The following MYH1 variants were observed in gnomAD, a reference collection of about 807,000 sequenced individuals.
MYH1 encodes the protein myosin heavy chain 1.
In MYH1, 214 loss-of-function variants were observed where a neutral mutation model predicts 225.6. The ratio of observed to expected loss-of-function variants is 0.95; its 90% CI spans 0.85 to 1.06. The LOEUF (loss-of-function observed/expected upper bound fraction) is 1.06. Ranked by LOEUF, MYH1 falls within the 50% of genes least tolerant of loss-of-function variation. MYH1 has a pLI of 0.00. For missense variants in MYH1, 2,098 were observed against 2,344.2 expected (o/e 0.89, Z 2.17); for synonymous variants, 774 against 842.3 (o/e 0.92, Z 1.40).
At chr17:10,510,360 T>C (rs1253265485) in intron 14 of MYH1, among the ~76,000 whole-genome samples, 1 of 152,146 alleles carries the variant, frequency 6.6e-6, no homozygotes, top group Non-Finnish European at 1.5e-5. Flanking sequence ...CTTGTATAAG[T>C]TACTGCATTT....
intron 14 of MYH1, among the ~76,000 whole-genome samples, 180 bp from the exon 15 acceptor site, chr17:10,509,835 C>G (rs906145990): frequency 5.9e-5 from 9 of 152,104 alleles, no homozygotes; most frequent in South Asian, 4.1e-4. Context: ...CTCTTCAACA[C>G]CTGTCAACAA....
In MYH1 at chr17:10,492,512, C is replaced by T; in HGVS notation, c.5724G>A (p.Glu1908=). The change falls in exon 40 of 40, where the codon GAG becomes GAA. Residue 1908 remains glutamate, a synonymous_variant. Transcript: ENST00000226207. ...SKFRRIQHEL[E]EAEERADIAE... is the part of the protein sequence containing the mutation. ...CAATGTCAGCCCGTTCCTCGGCCTC[C>T]TCCAGCTCGTGCTGGATCCTGCGGA... The T allele has an allele frequency of 3.7e-6, 6 of 1,614,168 alleles. No homozygotes were observed. The highest frequency in any genetic ancestry group is 5.1e-6 in the Non-Finnish European group (6 of 1,180,008).
chr17:10,497,662 T>C, intron 31 of MYH1, 72 bp downstream of exon 31: 1 of 1,586,868 alleles, frequency 6.3e-7, no homozygotes, highest in Non-Finnish European at 8.6e-7. Context: ...ATGGTTTGAA[T>C]TGGGCACACT....
At position 10,492,590 on chromosome 17, in the gene MYH1, T is replaced by A. The variant is rs780680292; in HGVS notation, c.5668-22A>T. 4 of 1,594,718 alleles carry A rather than the reference T, an allele frequency of 2.5e-6. No homozygotes were observed. The Admixed American group carries it at 7.2e-5, about 29-fold the overall frequency. ...CCTCCTGTGAATGGAAATCCATTTA[T>A]GAGGGAAGAAAGTTCAGAATTTTTC... On this transcript the variant is annotated intron_variant, in intron 39 of 39. Transcript: ENST00000226207.
At position 10,500,503 on chromosome 17, in the gene MYH1, T is replaced by C. The variant is rs566360884; in HGVS notation, c.3865+123A>G. On this transcript the variant is annotated intron_variant, in intron 28 of 39. Coordinates refer to ENST00000226207, the MANE Select transcript of MYH1 (RefSeq NM_005963.4). ...ATGCCAGTGGTCAATAATGTGTTCATATTAGTGGGGATCTCCCAGGGAGGT... is the reference window on the plus strand; with the variant it reads ...ATGCCAGTGGTCAATAATGTGTTCACATTAGTGGGGATCTCCCAGGGAGGT... 65 of 1,423,308 alleles carry C rather than the reference T, an allele frequency of 4.6e-5. 1 individual carries two copies. The Middle Eastern group carries it at 7.7e-4, about 17-fold the overall frequency. 88.2% of individuals were successfully genotyped at this position (1,423,308 alleles called of 1,614,324 possible).
chr17:10,502,812 C>G lies in MYH1; in HGVS notation c.3037G>C (p.Asp1013His). ...LQEAHQQTLDDLQAEEDKVNT... is the reference protein window; with the variant it reads ...LQEAHQQTLDHLQAEEDKVNT... ...ACTTTGTCCTCCTCTGCCTGCAGGTCATCCAGGGTCTGCTGGTGGGCCTCC... is the reference window on the plus strand; with the variant it reads ...ACTTTGTCCTCCTCTGCCTGCAGGTGATCCAGGGTCTGCTGGTGGGCCTCC... Residue 1013 changes from aspartate to histidine, a missense_variant, in exon 24 of 40, where the codon GAC becomes CAC. Physicochemically the swap from Asp to His is moderately conservative, Grantham distance 81. Transcript: ENST00000226207. The G allele has an allele frequency of 1.2e-6, 2 of 1,614,102 alleles. No homozygotes were observed. The highest frequency in any genetic ancestry group is 1.7e-6 in the Non-Finnish European group (2 of 1,180,026).
At position 10,515,975 on chromosome 17, in the gene MYH1, T is replaced by G; in HGVS notation, c.456A>C (p.Pro152=). 1.2e-6 allele frequency: 2 copies of G among 1,614,006 alleles called. No individual in the cohort carries two copies. The highest frequency in any genetic ancestry group is 1.7e-6 in the Non-Finnish European group (2 of 1,179,992). Residue 152 remains proline (P), a synonymous_variant, in exon 5 of 40, where the codon CCA becomes CCC. Coordinates refer to ENST00000226207, the MANE Select transcript of MYH1 (RefSeq NM_005963.4). ...TGTCAGAGATGGAGAAGATGTGGGG[T>G]GGGGCCTCCTGGCGCTTTTTGCCTC... is the stretch of plus-strand genomic sequence containing the variant. ...AYRGKKRQEA[P]PHIFSISDNA...
At chr17:10,496,838 G>C (rs1352066156) in intron 33 of MYH1, among the ~76,000 whole-genome samples, 1 of 152,208 alleles carries the variant, frequency 6.6e-6, no homozygotes, top group Non-Finnish European at 1.5e-5. Context: ...TCCCTAGGTA[G>C]ATTGTGCCCT....
chr17:10,515,020 A>G, intron 5 of MYH1, 125 bp from the exon 6 acceptor site: 1 of 828,560 alleles, frequency 1.2e-6, no homozygotes, highest in South Asian at 1.5e-5. Flanking sequence ...ATATTATGGT[A>G]AAGTTATGGG....
chr17:10,492,582 T>A lies in MYH1; in HGVS notation c.5668-14A>T, dbSNP rs1449681634. 6.2e-7 allele frequency: 1 copy of A among 1,603,186 alleles called. No homozygotes were observed. Among genetic ancestry groups the A allele is most frequent in the Admixed American group, 1.7e-5 (1 of 57,388 alleles). ...GGATTGTTCCTCCTGTGAATGGAAA[T>A]CCATTTATGAGGGAAGAAAGTTCAG... On this transcript the variant is annotated splice_polypyrimidine_tract_variant and intron_variant, in intron 39 of 39. Coordinates refer to ENST00000226207, the MANE Select transcript of MYH1 (RefSeq NM_005963.4).
intron 16 of MYH1, 41 bp from the exon 17 acceptor site, chr17:10,507,997 T>A (rs2073130714): frequency 1.4e-6 from 2 of 1,459,790 alleles, no homozygotes; most frequent in Non-Finnish European, 1.9e-6. Flanking sequence ...AGCCTTTCTC[T>A]GGTTATGGTT....
In MYH1 at chr17:10,496,233, A is replaced by G. The variant is rs1183485788; in HGVS notation, c.4965+8T>C. 2 of 1,614,180 alleles carry G rather than the reference A, an allele frequency of 1.2e-6. No individual in the cohort carries two copies. Among genetic ancestry groups the G allele is most frequent in the Non-Finnish European group, 1.7e-6 (2 of 1,180,040 alleles). On this transcript the variant is annotated splice_region_variant and intron_variant, in intron 34 of 39. Transcript: ENST00000226207. ...ATTGTCCTGGGATCATCTGTTGGAC[A>G]TATTTACCTTGAGGATGGCTTGGGT...
chr17:10,514,199 T>C (rs1199824390), intron 6 of MYH1, 75 bp from the exon 7 acceptor site: 2 of 1,521,026 alleles, frequency 1.3e-6, no homozygotes, highest in African/African-American at 2.7e-5. Flanking sequence ...GCTTTGTCTT[T>C]ATATCTCTAT....
intron 2 of MYH1, among the ~76,000 whole-genome samples, chr17:10,517,018 A>G (rs914682503): frequency 6.6e-6 from 1 of 152,192 alleles, no homozygotes; most frequent in African/African-American, 2.4e-5. Context: ...TGGTGGCAGG[A>G]TAGTCTCCAG....
intron 14 of MYH1, among the ~76,000 whole-genome samples, chr17:10,510,695 C>T (rs2073162231): frequency 6.6e-6 from 1 of 152,140 alleles, no homozygotes; most frequent in African/African-American, 2.4e-5. Context: ...AAGCCAGTCA[C>T]AAAGACCACA....
Position 10,504,832 on chromosome 17 carries a change from T to A in MYH1, c.2669A>T (p.Asp890Val). The stretch of plus-strand genomic sequence containing the variant: ...CACAGCTTGAACCTGGAGTTGCAAG[T>A]CATTTTTTTCTTGCATCAGAGTAAC... ...KMVTLMQEKN[D>V]LQLQVQAEAD... The change falls in exon 22 of 40, where the codon GAC becomes GTC. Residue 890 changes from aspartate (D) to valine (V), a missense_variant. Physicochemically the swap from Asp to Val is radical, Grantham distance 152. Transcript: ENST00000226207. 1 of 1,614,030 alleles carries A rather than the reference T, an allele frequency of 6.2e-7. No homozygotes were observed. The highest frequency in any genetic ancestry group is 8.5e-7 in the Non-Finnish European group (1 of 1,180,002).
In MYH1 at chr17:10,501,334, C is replaced by T. The variant is rs753734214; in HGVS notation, c.3514G>A (p.Glu1172Lys). 1.2e-6 allele frequency: 2 copies of T among 1,614,198 alleles called. No homozygotes were observed. Among genetic ancestry groups the T allele is most frequent in the East Asian group, 2.2e-5 (1 of 44,876 alleles). Residue 1172 changes from glutamate (E) to lysine (K), a missense_variant, in exon 27 of 40, where the codon GAG becomes AAG. Glu to Lys is a moderately conservative substitution (Grantham distance 56, BLOSUM62 1). Coordinates refer to ENST00000226207, the MANE Select transcript of MYH1 (RefSeq NM_005963.4). Reference protein sequence around the residue: ...SAQIEMNKKREAEFQKMRRDL... With the variant: ...SAQIEMNKKRKAEFQKMRRDL... ...CTGCGCATTTTCTGGAACTCAGCCT[C>T]CCGCTTCTTGTTCATCTCAATCTGG...
chr17:10,512,644 A>G (rs1364796482), intron 11 of MYH1, 37 bp downstream of exon 11: 2 of 1,611,262 alleles, frequency 1.2e-6, no homozygotes, highest in Non-Finnish European at 1.7e-6. Flanking sequence ...ATTCCCATGC[A>G]TAATGGATTT....
rs1228323731 is a variant in MYH1, at chr17:10,514,002, A to G, written c.648+8T>C. 2 of 1,614,136 alleles carry G rather than the reference A, an allele frequency of 1.2e-6. No individual in the cohort carries two copies. Among genetic ancestry groups the G allele is most frequent in the Non-Finnish European group, 1.7e-6 (2 of 1,179,960 alleles). On this transcript the variant is annotated splice_region_variant and intron_variant, in intron 7 of 39. Coordinates refer to ENST00000226207, the MANE Select transcript of MYH1 (RefSeq NM_005963.4). ...AGAGCCTGGATTCTGACTAACAATC[A>G]GACTCACCTGCATTTTGCCAGAAGT...
Sources: gnomAD v4.1 joint callset for allele counts (sites outside exome capture counted in the v4.1 genomes callset) on GRCh38, gnomAD v4.1.1 for gene constraint, MANE v1.5 for transcripts, NCBI Gene and HGNC (gene_info 2026-07-23, HGNC 2026-07-21) for gene names.